UBA3: variants seen among roughly 807,000 people sequenced by gnomAD.
UBA3 encodes ubiquitin like modifier activating enzyme 3.
In UBA3, 26 loss-of-function variants were observed where a neutral mutation model predicts 73.5. That is an observed-to-expected ratio of 0.35 (90% confidence interval 0.26 to 0.49). The LOEUF is 0.49. Among genes scored for constraint, UBA3 ranks in the 20% least tolerant of loss-of-function variants. UBA3 has a pLI of 0.98. For synonymous variants in UBA3, 217 were observed against 191.2 expected, an observed-to-expected ratio of 1.13 and a Z score of -1.11; for missense variants, 495 against 555.6, an observed-to-expected ratio of 0.89 and a Z score of 1.10.
chr3:69,079,997 C>A, intron 2 of UBA3, 115 bp downstream of exon 2: 1 of 974,144 alleles, frequency 1.0e-6, no homozygotes, highest in South Asian at 1.6e-5. Flanking sequence ...GCGCGGCCTG[C>A]GCTCCGGGTG....
chr3:69,066,908 T>C lies in UBA3; in HGVS notation c.428+1020A>G, dbSNP rs368715935. Reference sequence around the variant, plus strand: ...ATCAAAAACAAATTGGCCATACTTATATGGGGCTATTTCTGGCTTCCCTAT... The same window carrying C: ...ATCAAAAACAAATTGGCCATACTTACATGGGGCTATTTCTGGCTTCCCTAT... On this transcript the variant is annotated intron_variant, in intron 6 of 17. Transcript: ENST00000361055. Among the ~76,000 whole-genome samples, 14 of 152,330 alleles carry C rather than the reference T, an allele frequency of 9.2e-5. 1 individual carries two copies. The South Asian group carries it at 2.7e-3, about 29-fold the overall frequency.
At chr3:69,080,236 G>C in intron 1 of UBA3, 83 bp from the exon 2 acceptor site, 1 of 1,523,984 alleles carries the variant, frequency 6.6e-7, no homozygotes. Context: ...GACGGGGCGG[G>C]GGGTGTGGGG....
At chr3:69,076,475 A>G (rs1346865251) in intron 3 of UBA3, 1 of 152,212 alleles carries the variant, frequency 6.6e-6, no homozygotes, top group Non-Finnish European at 1.5e-5. Context: ...GGCAGAGGTT[A>G]CCATGAGCCA....
rs1393606642 is a variant in UBA3, at chr3:69,056,278, G to A, written c.1089C>T (p.Asn363=). ...TYTFEAERKE[N]CPACSQLPQN... is the part of the protein sequence containing the mutation. ...GAGGAAGCTGGCTACAAGCTGGGCA[G>A]TTTTCCTACACACATAATACACAAC... The change falls in exon 15 of 18, where the codon AAC becomes AAT. Residue 363 remains asparagine, a synonymous_variant. Transcript: ENST00000361055. 6.3e-7 allele frequency: 1 copy of A among 1,597,102 alleles called. No individual in the cohort carries two copies.
In UBA3 at chr3:69,056,345, A is replaced by T. The variant is rs1263385219; in HGVS notation, c.1084-62T>A. On this transcript the variant is annotated intron_variant, in intron 14 of 17. Coordinates refer to ENST00000361055, the MANE Select transcript of UBA3 (RefSeq NM_003968.4). ...TGCACCAATATTAGTCTCTTTTATG[A>T]ACAATAAAATAAAAATCAGGTTGTT... 1.2e-5 allele frequency: 16 copies of T among 1,295,616 alleles called. No individual in the cohort carries two copies. The South Asian group carries it at 1.9e-4, about 15-fold the overall frequency. The allele number at this position is 1,295,616 out of a possible 1,614,324, so 80.3% of individuals were successfully genotyped here.
intron 4 of UBA3, among the ~76,000 whole-genome samples, chr3:69,071,877 CATATAT>C (rs201415899): frequency 6.6e-6 from 1 of 152,050 alleles, no homozygotes; most frequent in Non-Finnish European, 1.5e-5. Flanking sequence ...AACTATTTTA[CATATAT>C]ATATAATTCC....
At chr3:69,060,434 AC>A (rs777276571) in intron 11 of UBA3, among the ~76,000 whole-genome samples, 1 of 152,232 alleles carries the variant, frequency 6.6e-6, no homozygotes, top group Non-Finnish European at 1.5e-5. Flanking sequence ...AAACAAAAAA[AC>A]AACAACATAA....
In UBA3 at chr3:69,079,825, G is replaced by A. The variant is rs149480231; in HGVS notation, c.62+287C>T. 1.4e-3 allele frequency: 615 copies of A among 442,320 alleles called. 2 individuals carry two copies. Among genetic ancestry groups the A allele is most frequent in the African/African-American group, 0.012 (560 of 47,828 alleles). The allele number at this position is 442,320 out of a possible 1,614,324, so 27.4% of individuals were successfully genotyped here. A position where few individuals can be genotyped will look rare whatever the true frequency, so the allele number is the denominator to read the frequency against. Reference sequence around the variant, plus strand: ...GACAATTTGGGATGGAGGAAGAGGAGTGCACAAGGGTCCTTCCTCAAGACC... The same window carrying A: ...GACAATTTGGGATGGAGGAAGAGGAATGCACAAGGGTCCTTCCTCAAGACC... On this transcript the variant is annotated intron_variant, in intron 2 of 17. Transcript: ENST00000361055.
At chr3:69,058,098 T>C (rs2091991111) in intron 11 of UBA3, among the ~76,000 whole-genome samples, 1 of 151,864 alleles carries the variant, frequency 6.6e-6, no homozygotes, top group Non-Finnish European at 1.5e-5. Context: ...GCCTGGCTAA[T>C]TTTTTGTATT....
chr3:69,061,068 T>C (rs1050362377), intron 11 of UBA3, among the ~76,000 whole-genome samples: 1 of 152,204 alleles, frequency 6.6e-6, no homozygotes, highest in African/African-American at 2.4e-5. Context: ...AGGAACTAAC[T>C]AGGGAGGTTT....
intron 6 of UBA3, among the ~76,000 whole-genome samples, chr3:69,066,910 T>C (rs898537712): frequency 1.3e-5 from 2 of 152,206 alleles, no homozygotes; most frequent in Non-Finnish European, 2.9e-5. Flanking sequence ...CATACTTATA[T>C]GGGGCTATTT....
rs13090922 is a variant in UBA3, at chr3:69,063,523, C to T, written c.473-20G>A. On this transcript the variant is annotated intron_variant, in intron 7 of 17. Transcript: ENST00000361055. ...GAAATTCTACAAAAAAAAAAAAAAG[C>T]AACTTTAGTTTTTAAATATGTAGTT... The T allele has an allele frequency of 2.3e-6, 3 of 1,318,156 alleles. No homozygotes were observed. Among genetic ancestry groups the T allele is most frequent in the Non-Finnish European group, 3.1e-6 (3 of 953,122 alleles). 81.7% of individuals were successfully genotyped at this position (1,318,156 alleles called of 1,614,324 possible). A position where few individuals can be genotyped will look rare whatever the true frequency, so the allele number is the denominator to read the frequency against.
At chr3:69,061,960 A>AGG (rs2092025716) in intron 10 of UBA3, 33 bp from the exon 11 acceptor site, 1 of 1,495,696 alleles carries the variant, frequency 6.7e-7, no homozygotes, top group Non-Finnish European at 9.2e-7. Flanking sequence ...AGAGAGAGAG[A>AGG]GAGAAGACAG....
chr3:69,068,143 T>C (rs2092089438), intron 5 of UBA3, 135 bp from the exon 6 acceptor site: 1 of 580,130 alleles, frequency 1.7e-6, no homozygotes, highest in East Asian at 3.4e-5. Context: ...TGCCTAAGTA[T>C]TTTGATTTCA....
chr3:69,073,262 T>C (rs2092136691), intron 4 of UBA3, among the ~76,000 whole-genome samples: 1 of 152,210 alleles, frequency 6.6e-6, no homozygotes, highest in Non-Finnish European at 1.5e-5. Flanking sequence ...CTGTCTGATA[T>C]GGTCTCCAAA....
At chr3:69,065,439 G>A (rs1346691726) in intron 6 of UBA3, among the ~76,000 whole-genome samples, 1 of 152,138 alleles carries the variant, frequency 6.6e-6, no homozygotes, top group Non-Finnish European at 1.5e-5. Context: ...TTATAATTCT[G>A]TCATTTAAAC....
chr3:69,077,803 T>C lies in UBA3; in HGVS notation c.178A>G (p.Thr60Ala). 2 of 1,612,948 alleles carry C rather than the reference T, an allele frequency of 1.2e-6. No homozygotes were observed. The highest frequency in any genetic ancestry group is 1.1e-5 in the South Asian group (1 of 90,870). Residue 60 changes from threonine to alanine, a missense_variant, in exon 3 of 18, where the codon ACT becomes GCT. Thr to Ala is a moderately conservative substitution (Grantham distance 58). Transcript: ENST00000361055. ...PFTHPDFEPS[T>A]ESLQFLLDTC... ...TAAAAATAAACGTTTCTCACTTCAGTGCTCGGTTCGAAATCAGGGTGTGTG... is the reference window on the plus strand; with the variant it reads ...TAAAAATAAACGTTTCTCACTTCAGCGCTCGGTTCGAAATCAGGGTGTGTG...
chr3:69,078,310 T>C (rs541424579), intron 2 of UBA3, among the ~76,000 whole-genome samples: 7 of 152,284 alleles, frequency 4.6e-5, no homozygotes, highest in African/African-American at 1.7e-4. Context: ...CATTAGGAAA[T>C]ATGAGATACA....
intron 14 of UBA3, 137 bp downstream of exon 14, chr3:69,056,475 C>A: frequency 1.2e-6 from 1 of 868,928 alleles, no homozygotes; most frequent in Non-Finnish European, 1.7e-6. Context: ...TTATTTCAGG[C>A]TATAAAGCAA....
Sources: gnomAD v4.1 joint callset for allele counts (sites outside exome capture counted in the v4.1 genomes callset) on GRCh38, gnomAD v4.1.1 for gene constraint, MANE v1.5 for transcripts, NCBI Gene and HGNC (gene_info 2026-07-23, HGNC 2026-07-21) for gene names.